SYT1: variants seen among roughly 807,000 people sequenced by gnomAD.
SYT1 encodes synaptotagmin-1.
SYT1 carries 8 observed loss-of-function variants against 44.8 expected under a neutral mutation model. The observed-to-expected ratio is 0.18, with a 90% confidence interval of 0.10 to 0.32. The LOEUF is 0.32. Ranked by LOEUF, SYT1 falls within the 10% of genes least tolerant of loss-of-function variation. The probability of loss-of-function intolerance (pLI) is 1.00; values close to 1 mark genes in which losing one functional copy is unlikely to be tolerated. For synonymous variants in SYT1, 154 were observed against 188.8 expected (o/e 0.82, Z 1.51); for missense variants, 286 against 509.3 (o/e 0.56, Z 4.22).
chr12:79,383,040 C>T (rs1245767), intron 9 of SYT1, among the ~76,000 whole-genome samples: 74,543 of 152,014 alleles, frequency 0.49, 22,406 homozygotes, highest in African/African-American at 0.84. Context: ...ATTGGCATGA[C>T]ATGCTAATAG....
At chr12:79,009,613 A>C (rs1871297512) in intron 2 of SYT1, among the ~76,000 whole-genome samples, 1 of 152,216 alleles carries the variant, frequency 6.6e-6, no homozygotes. Flanking sequence ...TTTACTGATA[A>C]AGACTGAGGC....
intron 2 of SYT1, among the ~76,000 whole-genome samples, chr12:79,040,467 G>A (rs1056148071): frequency 7.2e-5 from 11 of 152,192 alleles, no homozygotes; most frequent in Middle Eastern, 3.4e-3. Context: ...TTTTGATGGG[G>A]TTGTTTGTTT....
intron 9 of SYT1, among the ~76,000 whole-genome samples, chr12:79,371,639 A>G (rs944567198): frequency 6.6e-6 from 1 of 152,234 alleles, no homozygotes; most frequent in Admixed American, 6.5e-5. Context: ...ACAAGTTTAC[A>G]TAATACAAAA....
At chr12:79,254,004 A>G (rs185337812) in intron 4 of SYT1, among the ~76,000 whole-genome samples, 1 of 152,196 alleles carries the variant, frequency 6.6e-6, no homozygotes, top group East Asian at 1.9e-4. Context: ...TTGCCTCCAG[A>G]CCATCAAAGT....
At chr12:79,200,398 A>C (rs1465606774) in intron 3 of SYT1, among the ~76,000 whole-genome samples, 1 of 152,082 alleles carries the variant, frequency 6.6e-6, no homozygotes, top group Non-Finnish European at 1.5e-5. Flanking sequence ...ACAGCTGGAC[A>C]ACTGGCTCCA....
chr12:79,169,796 A>G (rs1871408561), intron 3 of SYT1, among the ~76,000 whole-genome samples: 1 of 151,962 alleles, frequency 6.6e-6, no homozygotes, highest in Non-Finnish European at 1.5e-5. Context: ...TTCATCATTC[A>G]GGTATTAATC....
chr12:78,880,068 G>A (rs898225364), intron 1 of SYT1, among the ~76,000 whole-genome samples: 6 of 151,676 alleles, frequency 4.0e-5, no homozygotes, highest in Admixed American at 2.0e-4. Context: ...TCCCTTTACA[G>A]AATTTATCAA....
At chr12:79,432,514 A>G (rs1340747426) in intron 9 of SYT1, among the ~76,000 whole-genome samples, 1 of 152,202 alleles carries the variant, frequency 6.6e-6, no homozygotes, top group Non-Finnish European at 1.5e-5. Context: ...GGAGAAAACA[A>G]CTGCATTGTT....
At chr12:79,099,271 G>C (rs117259939) in intron 3 of SYT1, among the ~76,000 whole-genome samples, 12 of 152,170 alleles carry the variant, frequency 7.9e-5, no homozygotes, top group Admixed American at 7.9e-4. Context: ...ATTGAGAAAT[G>C]TATTAATTCA....
intron 1 of SYT1, among the ~76,000 whole-genome samples, chr12:78,907,817 A>C (rs1377880318): frequency 6.6e-6 from 1 of 152,076 alleles, no homozygotes; most frequent in Non-Finnish European, 1.5e-5. Context: ...CATCAAAACC[A>C]CAAGTTCTTA....
chr12:78,981,528 GCTAA>G (rs1234209409), intron 2 of SYT1, among the ~76,000 whole-genome samples: 1 of 152,182 alleles, frequency 6.6e-6, no homozygotes, highest in Non-Finnish European at 1.5e-5. Flanking sequence ...GAGCATGCAT[GCTAA>G]CTCAGTGAGT....
chr12:79,163,025 C>T (rs1239106029), intron 3 of SYT1, among the ~76,000 whole-genome samples: 3 of 152,066 alleles, frequency 2.0e-5, no homozygotes, highest in Non-Finnish European at 4.4e-5. Flanking sequence ...CAGAATTGAT[C>T]CATAATTAGA....
chr12:79,179,261 G>T (rs889578623), intron 3 of SYT1, among the ~76,000 whole-genome samples: 26 of 84,770 alleles, frequency 3.1e-4, no homozygotes, highest in Admixed American at 5.4e-4. Context: ...TATAGATATA[G>T]ATATATAGAT....
At chr12:79,250,344 T>C (rs1001423133) in intron 4 of SYT1, among the ~76,000 whole-genome samples, 2 of 152,176 alleles carry the variant, frequency 1.3e-5, no homozygotes, top group African/African-American at 4.8e-5. Flanking sequence ...TATTAATAAA[T>C]ACAATTCCGG....
intron 1 of SYT1, among the ~76,000 whole-genome samples, chr12:78,866,683 C>A (rs1181244607): frequency 6.6e-6 from 1 of 152,094 alleles, no homozygotes; most frequent in Non-Finnish European, 1.5e-5. Flanking sequence ...GGAAAGCATT[C>A]CAAGTGGGTC....
At chr12:79,085,526 A>C (rs1171807988) in intron 3 of SYT1, among the ~76,000 whole-genome samples, 3 of 152,080 alleles carry the variant, frequency 2.0e-5, no homozygotes, top group Admixed American at 6.6e-5. Context: ...GAGGCCACTG[A>C]AGTGTTATGA....
chr12:79,377,036 T>C (rs1474802855), intron 9 of SYT1, among the ~76,000 whole-genome samples: 1 of 152,254 alleles, frequency 6.6e-6, no homozygotes, highest in Non-Finnish European at 1.5e-5. Context: ...CAAGTATCTA[T>C]TGAATGCTTA....
chr12:78,934,134 A>G (rs758057132), intron 1 of SYT1, among the ~76,000 whole-genome samples: 29 of 150,798 alleles, frequency 1.9e-4, no homozygotes, highest in African/African-American at 4.6e-4. Context: ...GTGTGTATAT[A>G]TGTGTGTGTG....
chr12:79,031,839 G>C (rs1872848716), intron 2 of SYT1, among the ~76,000 whole-genome samples: 1 of 151,042 alleles, frequency 6.6e-6, no homozygotes. Flanking sequence ...ATATGGCAAA[G>C]TATCTCCTGT....
Sources: gnomAD v4.1 joint callset for allele counts (sites outside exome capture counted in the v4.1 genomes callset) on GRCh38, gnomAD v4.1.1 for gene constraint, MANE v1.5 for transcripts, NCBI Gene and HGNC (gene_info 2026-07-23, HGNC 2026-07-21) for gene names.